The following FUT9 variants were observed in gnomAD, a reference collection of about 807,000 sequenced individuals.
FUT9 encodes the protein 4-galactosyl-N-acetylglucosaminide 3-alpha-L-fucosyltransferase 9.
Under a neutral mutation model 29.7 loss-of-function variants are expected in FUT9, and 15 were observed. The ratio of observed to expected loss-of-function variants is 0.51; its 90% confidence interval spans 0.34 to 0.78. The LOEUF is 0.78. Ranked by LOEUF, FUT9 falls within the 30% of genes least tolerant of loss-of-function variation. The pLI, the probability that FUT9 is intolerant of heterozygous loss-of-function variation, is 0.01. For synonymous variants in FUT9, 169 were observed against 153.7 expected (o/e 1.10, Z -0.74); for missense variants, 319 against 425.4 (o/e 0.75, Z 2.20).
At chr6:96,189,870 T>C (rs1773473935) in intron 2 of FUT9, among the ~76,000 whole-genome samples, 1 of 152,144 alleles carries the variant, frequency 6.6e-6, no homozygotes, top group Non-Finnish European at 1.5e-5. Flanking sequence ...ATTTTACCAG[T>C]CTGTGTCTTT....
At chr6:96,052,455 T>C (rs75668953) in intron 1 of FUT9, among the ~76,000 whole-genome samples, 3,390 of 152,330 alleles carry the variant, frequency 0.022, 64 homozygotes, top group East Asian at 0.08. Flanking sequence ...CCCCATAGCT[T>C]CTTGGAAAAT....
intron 2 of FUT9, among the ~76,000 whole-genome samples, chr6:96,157,120 A>G (rs1231294746): frequency 2.6e-5 from 4 of 152,210 alleles, no homozygotes; most frequent in Admixed American, 2.6e-4. Context: ...ACATGAAACT[A>G]TGACTGGCTA....
At chr6:96,019,163 A>G (rs1021956168) in intron 1 of FUT9, among the ~76,000 whole-genome samples, 2 of 151,988 alleles carry the variant, frequency 1.3e-5, no homozygotes, top group African/African-American at 4.8e-5. Context: ...ACTAAATAAA[A>G]TTCTAGACAA....
intron 1 of FUT9, among the ~76,000 whole-genome samples, chr6:96,021,789 A>T (rs1233250787): frequency 6.6e-6 from 1 of 152,062 alleles, no homozygotes; most frequent in African/African-American, 2.4e-5. Context: ...GGACTGGACA[A>T]TTACTTTTAT....
chr6:96,051,269 A>G (rs1770664786), intron 1 of FUT9, among the ~76,000 whole-genome samples: 1 of 152,030 alleles, frequency 6.6e-6, no homozygotes, highest in Admixed American at 6.6e-5. Flanking sequence ...TTTCATTTTT[A>G]CCCTATGAAA....
At chr6:96,133,633 C>A (rs1031460315) in intron 2 of FUT9, among the ~76,000 whole-genome samples, 1 of 151,974 alleles carries the variant, frequency 6.6e-6, no homozygotes, top group East Asian at 1.9e-4. Context: ...GTGTGTAATT[C>A]ATACATTGAA....
At chr6:96,022,881 G>C (rs1167260898) in intron 1 of FUT9, among the ~76,000 whole-genome samples, 7 of 151,834 alleles carry the variant, frequency 4.6e-5, no homozygotes, top group African/African-American at 1.7e-4. Context: ...TGTATATCCT[G>C]TATGTTAAGG....
At chr6:96,063,004 A>T (rs1770903168) in intron 1 of FUT9, among the ~76,000 whole-genome samples, 1 of 152,118 alleles carries the variant, frequency 6.6e-6, no homozygotes, top group Non-Finnish European at 1.5e-5. Context: ...TGGAGCAGGG[A>T]ATTTGGTGTA....
chr6:96,193,178 G>A (rs1385191868), intron 2 of FUT9, among the ~76,000 whole-genome samples: 4 of 31,920 alleles, frequency 1.3e-4, no homozygotes, highest in Non-Finnish European at 3.6e-4. Context: ...AAAAGCAATG[G>A]CAACAAAAGC....
At chr6:96,136,361 G>A (rs1220161642) in intron 2 of FUT9, among the ~76,000 whole-genome samples, 1 of 151,826 alleles carries the variant, frequency 6.6e-6, no homozygotes, top group African/African-American at 2.4e-5. Context: ...AAATATCTCA[G>A]TATTCAAAAC....
At chr6:96,134,367 T>C (rs920579163) in intron 2 of FUT9, among the ~76,000 whole-genome samples, 6 of 151,834 alleles carry the variant, frequency 4.0e-5, no homozygotes, top group Non-Finnish European at 7.4e-5. Context: ...AAGTCAATAA[T>C]ACTGTTTTTA....
chr6:96,120,779 C>T (rs2127964811), intron 2 of FUT9, among the ~76,000 whole-genome samples: 1 of 151,130 alleles, frequency 6.6e-6, no homozygotes, highest in Non-Finnish European at 1.5e-5. Context: ...ATGGGAGATG[C>T]TCCAGAGCTC....
intron 2 of FUT9, among the ~76,000 whole-genome samples, chr6:96,164,643 A>T (rs1197023719): frequency 6.6e-6 from 1 of 152,172 alleles, no homozygotes; most frequent in African/African-American, 2.4e-5. Context: ...CGCAGTTTTA[A>T]TGTTAATGTT....
intron 1 of FUT9, among the ~76,000 whole-genome samples, chr6:96,063,903 A>T (rs1338011661): frequency 6.6e-6 from 1 of 152,226 alleles, no homozygotes; most frequent in Admixed American, 6.5e-5. Flanking sequence ...TAATTGAATT[A>T]AAAACTTAAG....
At chr6:96,092,011 G>C (rs1302737177) in intron 1 of FUT9, among the ~76,000 whole-genome samples, 1 of 151,986 alleles carries the variant, frequency 6.6e-6, no homozygotes, top group Non-Finnish European at 1.5e-5. Context: ...ATACAAAAAT[G>C]ATATTTGATA....
At chr6:96,162,784 C>T (rs1772937308) in intron 2 of FUT9, among the ~76,000 whole-genome samples, 1 of 152,280 alleles carries the variant, frequency 6.6e-6, no homozygotes, top group Non-Finnish European at 1.5e-5. Context: ...ATCTGGCATT[C>T]TTTGCGTTGT....
chr6:96,108,687 C>T (rs910023429), intron 1 of FUT9, among the ~76,000 whole-genome samples: 6 of 152,142 alleles, frequency 3.9e-5, no homozygotes, highest in African/African-American at 1.4e-4. Context: ...TGACATTATC[C>T]TTGTTATGCT....
chr6:96,181,689 C>T (rs929900978), intron 2 of FUT9, among the ~76,000 whole-genome samples: 15 of 151,988 alleles, frequency 9.9e-5, no homozygotes, highest in African/African-American at 3.6e-4. Flanking sequence ...TTTGGTTTTC[C>T]ACTCCTGAGT....
chr6:96,119,803 C>T (rs1554193964), intron 2 of FUT9, among the ~76,000 whole-genome samples: 1 of 152,132 alleles, frequency 6.6e-6, no homozygotes, highest in Non-Finnish European at 1.5e-5. Context: ...ATCAAGCTTT[C>T]TCCCTATTGC....
Sources: allele counts gnomAD v4.1 joint callset (sites outside exome capture counted in the v4.1 genomes callset), GRCh38; gene constraint gnomAD v4.1.1; transcripts MANE v1.5; gene names NCBI Gene and HGNC (gene_info 2026-07-23, HGNC 2026-07-21).